The following CCDC167 variants were observed in gnomAD, a reference collection of about 807,000 sequenced individuals.
The protein encoded by CCDC167 is coiled-coil domain-containing protein 167.
CCDC167 carries 15 observed loss-of-function variants against 12.7 expected under a neutral mutation model. That is an observed-to-expected ratio of 1.18 (90% CI 0.79 to 1.81). The LOEUF (loss-of-function observed/expected upper bound fraction) is 1.81. Ranked by LOEUF, CCDC167 falls within the 40% of genes most tolerant of loss-of-function variation. CCDC167 has a pLI of 0.00. For missense variants in CCDC167, 121 were observed against 120.1 expected (o/e 1.01, Z -0.03); for synonymous variants, 52 against 49.0 (o/e 1.06, Z -0.26).
At chr6:37,489,050 A>G (rs1430084691) in intron 1 of CCDC167, among the ~76,000 whole-genome samples, 1 of 152,108 alleles carries the variant, frequency 6.6e-6, no homozygotes, top group South Asian at 2.1e-4. Flanking sequence ...ATCCTGGCCA[A>G]CATGGTGAAA....
intron 3 of CCDC167, among the ~76,000 whole-genome samples, chr6:37,484,507 G>A (rs370963657): frequency 6.6e-5 from 10 of 152,178 alleles, no homozygotes; most frequent in African/African-American, 2.4e-4. Flanking sequence ...CTGGGGCGTG[G>A]GGAGAGCAGA....
At chr6:37,498,295 G>A (rs1482671418) in intron 1 of CCDC167, among the ~76,000 whole-genome samples, 2 of 152,032 alleles carry the variant, frequency 1.3e-5, no homozygotes, top group African/African-American at 4.8e-5. Context: ...TCTTGTTCTT[G>A]AAGCCACTGA....
At chr6:37,494,804 A>C (rs1172860403) in intron 1 of CCDC167, among the ~76,000 whole-genome samples, 1 of 44,936 alleles carries the variant, frequency 2.2e-5, no homozygotes, top group Non-Finnish European at 4.2e-5. Context: ...CCTACCTACA[A>C]ATTTTTTTTT....
At chr6:37,486,820 C>T (rs893675342) in intron 1 of CCDC167, among the ~76,000 whole-genome samples, 4 of 152,332 alleles carry the variant, frequency 2.6e-5, no homozygotes, top group East Asian at 1.9e-4. Context: ...CAGGGAAGAG[C>T]GGCAGCCCCA....
intron 1 of CCDC167, among the ~76,000 whole-genome samples, chr6:37,494,760 C>T (rs1762075277): frequency 6.7e-6 from 1 of 149,968 alleles, no homozygotes; most frequent in Non-Finnish European, 1.5e-5. Context: ...CCAACTCTGA[C>T]ATAGCTAAGC....
rs972395409 is a variant in CCDC167 at position 37,485,007 on chromosome 6, C to T, written c.137+93G>A. On this transcript the variant is annotated intron_variant, in intron 2 of 3. Transcript: ENST00000373408. ...AAGCTAAGATGTCAGGGACCCAAAC[C>T]CTCTGCCTCAGGCCTACTTTGGGGG... 6.2e-6 allele frequency: 9 copies of T among 1,452,300 alleles called. No individual in the cohort carries two copies. The African/African-American group carries it at 1.1e-4, about 18-fold the overall frequency. 90.0% of individuals were successfully genotyped at this position (1,452,300 alleles called of 1,614,324 possible).
chr6:37,495,115 A>G (rs987528870), intron 1 of CCDC167, among the ~76,000 whole-genome samples: 1 of 152,104 alleles, frequency 6.6e-6, no homozygotes, highest in Non-Finnish European at 1.5e-5. Context: ...AAATTTCTAT[A>G]AGGGGAAAAG....
At chr6:37,498,669 A>G (rs1200160935) in intron 1 of CCDC167, among the ~76,000 whole-genome samples, 2 of 152,110 alleles carry the variant, frequency 1.3e-5, no homozygotes, top group African/African-American at 4.8e-5. Flanking sequence ...CTACAAAAAT[A>G]CAAAAATTAG....
At chr6:37,484,923 G>A (rs2113904144) in intron 2 of CCDC167, 61 bp from the exon 3 acceptor site, 9 of 1,592,162 alleles carry the variant, frequency 5.7e-6, no homozygotes, top group Non-Finnish European at 7.8e-6. Flanking sequence ...CCGAGGGGCA[G>A]CTGGCATGCC....
chr6:37,484,955 G>A (rs1204586039), intron 2 of CCDC167, 93 bp from the exon 3 acceptor site: 2 of 1,535,998 alleles, frequency 1.3e-6, no homozygotes, highest in Non-Finnish European at 1.8e-6. Context: ...CTTGGGTCTT[G>A]TTCGGCGGCA....
In CCDC167 at chr6:37,485,160, C is replaced by G. The variant is rs765457716; in HGVS notation, c.77G>C (p.Arg26Pro). ...GGAGTTCACGGCCTCCAGGTCTCTC[C>G]GACACTGGGACAGCTTCTCCTCTAG... is the stretch of plus-strand genomic sequence containing the variant. ...DGLEEKLSQC[R>P]RDLEAVNSRL... is the part of the protein sequence containing the mutation. The change falls in exon 2 of 4, where the codon CGG (arginine) becomes CCG (proline). Residue 26 changes from arginine to proline, a missense_variant. Physicochemically the swap from Arg to Pro is moderately radical, Grantham distance 103 (BLOSUM62 -2). Coordinates refer to ENST00000373408, the MANE Select transcript of CCDC167 (RefSeq NM_138493.3). 9 of 1,613,456 alleles carry G rather than the reference C, an allele frequency of 5.6e-6. No individual in the cohort carries two copies. The highest frequency in any genetic ancestry group is 7.6e-6 in the Non-Finnish European group (9 of 1,179,984).
At chr6:37,486,717 C>G (rs1266233388) in intron 1 of CCDC167, among the ~76,000 whole-genome samples, 1 of 152,214 alleles carries the variant, frequency 6.6e-6, no homozygotes, top group African/African-American at 2.4e-5. Flanking sequence ...TCCTGGGAAA[C>G]AGACCCAGCC....
In CCDC167 at chr6:37,484,820, G is replaced by T; in HGVS notation, c.180C>A (p.Ala60=). Residue 60 remains alanine, a synonymous_variant, in exon 3 of 4, where the codon GCC becomes GCA. Coordinates refer to ENST00000373408, the MANE Select transcript of CCDC167 (RefSeq NM_138493.3). ...EKEKNSLMNK[A]SNYEKELKFL... Reference sequence around the variant, plus strand: ...AAGGAACTTTCTTACCGTAGTTGGAGGCTTTGTTCATTAGGCTGTTTTTCT... The same window carrying T: ...AAGGAACTTTCTTACCGTAGTTGGATGCTTTGTTCATTAGGCTGTTTTTCT... 2 of 1,614,262 alleles carry T rather than the reference G, an allele frequency of 1.2e-6. No homozygotes were observed. Among genetic ancestry groups the T allele is most frequent in the Non-Finnish European group, 1.7e-6 (2 of 1,180,050 alleles).
chr6:37,491,032 G>A (rs554516986), intron 1 of CCDC167, among the ~76,000 whole-genome samples: 3 of 152,106 alleles, frequency 2.0e-5, no homozygotes, highest in East Asian at 1.9e-4. Context: ...TGTAAAATTC[G>A]TGTGAAATCC....
Position 37,483,039 on chromosome 6 carries a change from G to A in CCDC167, c.*147C>T, listed in dbSNP as rs1195756377. 1.4e-5 allele frequency: 10 copies of A among 731,830 alleles called. No individual in the cohort carries two copies. Among genetic ancestry groups the A allele is most frequent in the Non-Finnish European group, 2.2e-5 (9 of 402,160 alleles). 45.3% of individuals were successfully genotyped at this position (731,830 alleles called of 1,614,324 possible). A position where few individuals can be genotyped will look rare whatever the true frequency, so the allele number is the denominator to read the frequency against. On this transcript the variant is annotated 3_prime_UTR_variant, in exon 4 of 4. Transcript: ENST00000373408. ...CCCCCCAGCAGGCCAGGGAGGCAAG[G>A]CCTGGGCCGCCAGGAAGCCATGCTT...
At chr6:37,487,103 T>C (rs1761952436) in intron 1 of CCDC167, among the ~76,000 whole-genome samples, 1 of 152,220 alleles carries the variant, frequency 6.6e-6, no homozygotes, top group African/African-American at 2.4e-5. Flanking sequence ...ATATTCTTTG[T>C]TGCCCTTCTG....
chr6:37,495,096 G>A lies in CCDC167; in HGVS notation c.42+4726C>T, dbSNP rs188287765. The stretch of plus-strand genomic sequence containing the variant: ...ATTACAGGCGTGAGCCACTGCACCT[G>A]GCCCCTACAAATTTCTATAAGGGGA... On this transcript the variant is annotated intron_variant, in intron 1 of 3. Coordinates refer to ENST00000373408, the MANE Select transcript of CCDC167 (RefSeq NM_138493.3). Among the ~76,000 whole-genome samples the A allele has an allele frequency of 6.4e-3, 971 of 152,180 alleles. 9 individuals carry two copies. The highest frequency in any genetic ancestry group is 0.012 in the African/African-American group (503 of 41,500).
intron 1 of CCDC167, among the ~76,000 whole-genome samples, chr6:37,491,608 G>A (rs1762023475): frequency 6.6e-6 from 1 of 152,162 alleles, no homozygotes; most frequent in Admixed American, 6.5e-5. Flanking sequence ...GTGGTGCCAG[G>A]GTAGCTGAGC....
chr6:37,486,183 A>G (rs894650072), intron 1 of CCDC167, among the ~76,000 whole-genome samples: 2 of 152,180 alleles, frequency 1.3e-5, no homozygotes. Context: ...GACTTCACTC[A>G]TTCTCACCAC....
Sources: allele counts gnomAD v4.1 joint callset (sites outside exome capture counted in the v4.1 genomes callset), GRCh38; gene constraint gnomAD v4.1.1; transcripts MANE v1.5; gene names NCBI Gene and HGNC (gene_info 2026-07-23, HGNC 2026-07-21).